The following ASH1L variants were observed in gnomAD, a reference collection of about 807,000 sequenced individuals.
ASH1L encodes ASH1 like histone lysine methyltransferase, also known as histone-lysine N-methyltransferase ASH1L.
In ASH1L, 23 loss-of-function variants were observed where a neutral mutation model predicts 269.0. That is an observed-to-expected ratio of 0.09 (90% CI 0.06 to 0.12). The LOEUF is 0.12. ASH1L is among the 10% of genes least tolerant of loss of function. The pLI is 1.00. For missense variants in ASH1L, 2,912 were observed against 3,567.8 expected, an observed-to-expected ratio of 0.82 and a Z score of 4.68; for synonymous variants, 1,187 against 1,253.5, an observed-to-expected ratio of 0.95 and a Z score of 1.12.
chr1:155,548,492 C>T (rs1456880491), intron 1 of ASH1L, among the ~76,000 whole-genome samples: 1 of 152,150 alleles, frequency 6.6e-6, no homozygotes, highest in Non-Finnish European at 1.5e-5. Flanking sequence ...CATTGTACTC[C>T]AGCCTAGGCA....
chr1:155,553,748 T>C (rs1671374882), intron 1 of ASH1L, among the ~76,000 whole-genome samples: 1 of 152,086 alleles, frequency 6.6e-6, no homozygotes, highest in Admixed American at 6.6e-5. Context: ...CATAGGCAAA[T>C]GTATTACATA....
At position 155,512,733 on chromosome 1, in the gene ASH1L, T is replaced by C. The variant is rs542565224; in HGVS notation, c.420+8367A>G. On this transcript the variant is annotated intron_variant, in intron 2 of 27. Coordinates refer to ENST00000392403, the MANE Select transcript of ASH1L (RefSeq NM_018489.3). The stretch of plus-strand genomic sequence containing the variant: ...TCCCAAAGTGCTGCGATTAGTCTTA[T>C]GTTTAAAAAACAAAAAAACACATAT... Among the ~76,000 whole-genome samples the C allele has an allele frequency of 1.3e-4, 19 of 151,946 alleles. 1 individual carries two copies. The South Asian group carries it at 3.7e-3, about 30-fold the overall frequency.
At chr1:155,359,586 T>C (rs1043370713) in intron 13 of ASH1L, among the ~76,000 whole-genome samples, 20 of 151,884 alleles carry the variant, frequency 1.3e-4, no homozygotes, top group Non-Finnish European at 1.9e-4. Flanking sequence ...TTTTCTTTTT[T>C]TGTGTTTGAG....
chr1:155,417,920 T>C (rs1374222115), intron 5 of ASH1L, among the ~76,000 whole-genome samples: 2 of 150,720 alleles, frequency 1.3e-5, no homozygotes, highest in East Asian at 1.9e-4. Context: ...ATAGCGCCAT[T>C]GCACTCCAGC....
At chr1:155,350,777 C>T (rs1409175897) in intron 17 of ASH1L, among the ~76,000 whole-genome samples, 2 of 151,282 alleles carry the variant, frequency 1.3e-5, no homozygotes, top group African/African-American at 2.4e-5. Context: ...AAAAATTAGC[C>T]GGGCGTGGTG....
At chr1:155,437,222 T>A (rs2148615177) in intron 5 of ASH1L, among the ~76,000 whole-genome samples, 1 of 152,204 alleles carries the variant, frequency 6.6e-6, no homozygotes, top group Non-Finnish European at 1.5e-5. Flanking sequence ...GAGAATAATA[T>A]CCAGAATATA....
intron 1 of ASH1L, among the ~76,000 whole-genome samples, chr1:155,550,924 A>G (rs1016918319): frequency 6.6e-6 from 1 of 152,102 alleles, no homozygotes; most frequent in African/African-American, 2.4e-5. Context: ...CCTGGGCTCA[A>G]GAAATCTACT....
chr1:155,436,491 C>CTTTTTTT (rs60270333), intron 5 of ASH1L, among the ~76,000 whole-genome samples: 5 of 80,548 alleles, frequency 6.2e-5, no homozygotes, highest in Non-Finnish European at 1.2e-4. Context: ...CATGCGTGGA[C>CTTTTTTT]TTTTTTTTTT....
At position 155,370,524 on chromosome 1, in the gene ASH1L, T is replaced by C; in HGVS notation, c.6666A>G (p.Pro2222=). ...EARFINHSCD[P]NCEMQKWSVN... is the part of the protein sequence containing the mutation. Reference sequence around the variant, plus strand: ...CTTACCATTTCTGCATTTCACAATTTGGGTCACAGCTATGGTTGATGAATC... The same window carrying C: ...CTTACCATTTCTGCATTTCACAATTCGGGTCACAGCTATGGTTGATGAATC... The change falls in exon 12 of 28, where the codon CCA becomes CCG. Residue 2222 remains proline, a synonymous_variant. Coordinates refer to ENST00000392403, the MANE Select transcript of ASH1L (RefSeq NM_018489.3). The C allele has an allele frequency of 6.2e-7, 1 of 1,614,078 alleles. No homozygotes were observed.
intron 4 of ASH1L, among the ~76,000 whole-genome samples, chr1:155,448,064 T>C (rs1663167252): frequency 6.6e-6 from 1 of 152,234 alleles, no homozygotes; most frequent in South Asian, 2.1e-4. Flanking sequence ...GGGTCAAGTT[T>C]TTCTTTTGCA....
At chr1:155,347,617 C>T in intron 20 of ASH1L, 39 bp downstream of exon 20, 1 of 1,609,816 alleles carries the variant, frequency 6.2e-7, no homozygotes, top group East Asian at 2.2e-5. Flanking sequence ...TCACCGTGTT[C>T]ATCAGGACCA....
chr1:155,391,676 C>T (rs113118706), intron 7 of ASH1L, among the ~76,000 whole-genome samples: 30 of 152,204 alleles, frequency 2.0e-4, no homozygotes, highest in Admixed American at 5.2e-4. Flanking sequence ...TGGTTTCGGC[C>T]GGGCACAGTG....
intron 5 of ASH1L, among the ~76,000 whole-genome samples, chr1:155,421,980 G>C (rs1189928568): frequency 1.3e-5 from 2 of 151,966 alleles, no homozygotes; most frequent in African/African-American, 2.4e-5. Context: ...CATCCTCCCA[G>C]ACAGAATAAC....
intron 1 of ASH1L, among the ~76,000 whole-genome samples, chr1:155,544,478 G>A (rs1156496530): frequency 6.6e-6 from 1 of 150,868 alleles, no homozygotes; most frequent in Non-Finnish European, 1.5e-5. Context: ...TAGTAGAGAT[G>A]GGGTTTCACC....
intron 5 of ASH1L, among the ~76,000 whole-genome samples, chr1:155,426,948 A>C (rs527971866): frequency 3.3e-5 from 5 of 152,232 alleles, no homozygotes; most frequent in African/African-American, 9.6e-5. Context: ...CTTACTGGGC[A>C]CAATTTGTTG....
chr1:155,464,836 C>G (rs895238067), intron 3 of ASH1L, among the ~76,000 whole-genome samples: 2 of 151,820 alleles, frequency 1.3e-5, no homozygotes, highest in Non-Finnish European at 2.9e-5. Flanking sequence ...CCAATTTAAA[C>G]AAGAGGGGAA....
intron 10 of ASH1L, among the ~76,000 whole-genome samples, chr1:155,377,157 T>A (rs1351922772): frequency 6.6e-6 from 1 of 152,096 alleles, no homozygotes; most frequent in African/African-American, 2.4e-5. Context: ...CCTGCCTGCC[T>A]CAGCCTCCCA....
At chr1:155,536,267 C>A (rs149757192) in intron 1 of ASH1L, among the ~76,000 whole-genome samples, 13 of 152,246 alleles carry the variant, frequency 8.5e-5, no homozygotes, top group African/African-American at 3.1e-4. Flanking sequence ...AATGAGTACG[C>A]AGACTGAGAG....
chr1:155,530,567 A>T (rs905084559), intron 1 of ASH1L, among the ~76,000 whole-genome samples: 12 of 151,124 alleles, frequency 7.9e-5, no homozygotes, highest in Admixed American at 7.9e-4. Flanking sequence ...CTCTACTAAA[A>T]AAAAAAAAAA....
Sources: gnomAD v4.1 joint callset for allele counts (sites outside exome capture counted in the v4.1 genomes callset) on GRCh38, gnomAD v4.1.1 for gene constraint, MANE v1.5 for transcripts, NCBI Gene and HGNC (gene_info 2026-07-23, HGNC 2026-07-21) for gene names.